RNF168: variants seen among roughly 807,000 people sequenced by gnomAD.
RNF168 encodes the protein E3 ubiquitin-protein ligase RNF168.
In RNF168, 34 loss-of-function variants were observed where a neutral mutation model predicts 34.9. That is an observed-to-expected ratio of 0.97 (90% CI 0.74 to 1.30). The LOEUF (loss-of-function observed/expected upper bound fraction) is 1.30, where lower values mean the gene tolerates loss of function less well. Ranked by LOEUF, RNF168 falls within the 50% of genes most tolerant of loss-of-function variation. The pLI, the probability that RNF168 is intolerant of heterozygous loss-of-function variation, is 0.00. For synonymous variants in RNF168, 264 were observed against 254.7 expected, an observed-to-expected ratio of 1.04 and a Z score of -0.35; for missense variants, 725 against 682.5, an observed-to-expected ratio of 1.06 and a Z score of -0.69.
chr3:196,503,002 C>G lies in RNF168; in HGVS notation c.172G>C (p.Val58Leu), dbSNP rs749629381. 1.9e-6 allele frequency: 3 copies of G among 1,614,064 alleles called. No individual in the cohort carries two copies. Among genetic ancestry groups the G allele is most frequent in the South Asian group, 1.1e-5 (1 of 91,080 alleles). The change falls in exon 1 of 6, where the codon GTA becomes CTA. Residue 58 changes from valine to leucine, a missense_variant. Coordinates refer to ENST00000318037, the MANE Select transcript of RNF168 (RefSeq NM_152617.4). ...SLCCPFCRRR[V>L]SSWTRYHTRR... ...GTATGGTACCGAGTCCACGACGATA[C>G]CCGGCGGCGACAGAAGGGACAGCAT...
chr3:196,471,954 C>T lies in RNF168; in HGVS notation c.1581G>A (p.Leu527=). ...KNRQVSLKMQ[L]KQSVNRRKMP... The stretch of plus-strand genomic sequence containing the variant: ...TCTTTCTTCTATTAACTGACTGCTT[C>T]AACTGCATCTTTAAAGACACTTGCC... The change falls in exon 6 of 6, where the codon TTG becomes TTA. Residue 527 remains leucine, a synonymous_variant. Coordinates refer to ENST00000318037, the MANE Select transcript of RNF168 (RefSeq NM_152617.4). 1.9e-6 allele frequency: 3 copies of T among 1,614,086 alleles called. No individual in the cohort carries two copies. The highest frequency in any genetic ancestry group is 1.7e-6 in the Non-Finnish European group (2 of 1,179,928).
chr3:196,472,808 G>A (rs1331859965), intron 5 of RNF168, 36 bp from the exon 6 acceptor site: 2 of 1,275,110 alleles, frequency 1.6e-6, no homozygotes, highest in Non-Finnish European at 1.1e-6. Context: ...TGAACCAGGG[G>A]AAAATATCAA....
At chr3:196,483,554 A>C (rs1245900643) in intron 4 of RNF168, among the ~76,000 whole-genome samples, 1 of 152,252 alleles carries the variant, frequency 6.6e-6, no homozygotes, top group Non-Finnish European at 1.5e-5. Flanking sequence ...TGAGGCAGTA[A>C]GATAAAAGTA....
In RNF168 at chr3:196,472,650, C is replaced by T. The variant is rs1732039573; in HGVS notation, c.885G>A (p.Glu295=). The T allele has an allele frequency of 6.2e-7, 1 of 1,611,158 alleles. No homozygotes were observed. The highest frequency in any genetic ancestry group is 2.2e-5 in the East Asian group (1 of 44,808). The change falls in exon 6 of 6, where the codon GAG becomes GAA. Residue 295 remains glutamate (E), a synonymous_variant. Transcript: ENST00000318037. ...AGGCACATAACCATGGCATAGGGGACTCTATTGAAGAATCTGCACCTTGTT... is the reference window on the plus strand; with the variant it reads ...AGGCACATAACCATGGCATAGGGGATTCTATTGAAGAATCTGCACCTTGTT... ...VGEQGADSSI[E]SPMPWLCACG... is the part of the protein sequence containing the mutation.
intron 1 of RNF168, among the ~76,000 whole-genome samples, chr3:196,501,449 G>C (rs1732882852): frequency 6.6e-6 from 1 of 152,172 alleles, no homozygotes; most frequent in African/African-American, 2.4e-5. Flanking sequence ...CACGCTAAGT[G>C]AAATAAGCTA....
intron 4 of RNF168, among the ~76,000 whole-genome samples, chr3:196,482,412 T>C (rs1432023538): frequency 2.6e-5 from 4 of 152,224 alleles, no homozygotes; most frequent in African/African-American, 7.2e-5. Flanking sequence ...CAAATATTCA[T>C]GTACAAGTAT....
chr3:196,502,054 GAAAAAA>G (rs554041803), intron 1 of RNF168, among the ~76,000 whole-genome samples: 1,322 of 50,052 alleles, frequency 0.026, 20 homozygotes, highest in African/African-American at 0.088. Flanking sequence ...AAAAAAATTA[GAAAAAA>G]AAAAAAAAAA....
intron 1 of RNF168, among the ~76,000 whole-genome samples, chr3:196,500,010 T>C (rs1343402299): frequency 6.6e-6 from 1 of 152,210 alleles, no homozygotes; most frequent in African/African-American, 2.4e-5. Context: ...ATAGCAAGTG[T>C]TGGCGAGGGT....
intron 4 of RNF168, among the ~76,000 whole-genome samples, chr3:196,477,678 G>A (rs1032442373): frequency 1.7e-4 from 26 of 152,280 alleles, no homozygotes; most frequent in African/African-American, 4.1e-4. Flanking sequence ...ACGTTCATAA[G>A]CAGAGAACAG....
chr3:196,495,264 G>C (rs1732712665), intron 1 of RNF168, among the ~76,000 whole-genome samples: 1 of 152,088 alleles, frequency 6.6e-6, no homozygotes, highest in Non-Finnish European at 1.5e-5. Context: ...CCTCATAAGA[G>C]ATGCTGTCCT....
chr3:196,481,051 A>G (rs548083456), intron 4 of RNF168, among the ~76,000 whole-genome samples: 4 of 152,342 alleles, frequency 2.6e-5, no homozygotes, highest in Non-Finnish European at 5.9e-5. Context: ...CAGATTTTAT[A>G]TCTGGCAACC....
At chr3:196,490,382 C>G (rs546763438) in intron 1 of RNF168, among the ~76,000 whole-genome samples, 29 of 152,240 alleles carry the variant, frequency 1.9e-4, no homozygotes, top group African/African-American at 7.0e-4. Context: ...CTACTCAACT[C>G]CAGCTGACTA....
At chr3:196,501,879 T>C (rs79726625) in intron 1 of RNF168, among the ~76,000 whole-genome samples, 1 of 151,972 alleles carries the variant, frequency 6.6e-6, no homozygotes, top group Non-Finnish European at 1.5e-5. Context: ...CTGTGAGCCA[T>C]CGCTCCCGGC....
chr3:196,498,041 G>C (rs191557195), intron 1 of RNF168, among the ~76,000 whole-genome samples: 197 of 152,254 alleles, frequency 1.3e-3, no homozygotes, highest in Admixed American at 3.5e-3. Flanking sequence ...AACTGGAATG[G>C]TTAAATCTAA....
At chr3:196,475,605 C>T (rs1732127856) in intron 4 of RNF168, among the ~76,000 whole-genome samples, 1 of 141,450 alleles carries the variant, frequency 7.1e-6, no homozygotes, top group African/African-American at 2.7e-5. Context: ...GGCTGGAGTG[C>T]AGTGGTGTGA....
At chr3:196,488,454 C>G (rs1463869544) in intron 2 of RNF168, among the ~76,000 whole-genome samples, 153 bp downstream of exon 2, 3 of 149,838 alleles carry the variant, frequency 2.0e-5, no homozygotes, top group African/African-American at 7.4e-5. Context: ...TGCACTCCAG[C>G]CTGGGTGACA....
chr3:196,476,226 A>G (rs1189537543), intron 4 of RNF168, among the ~76,000 whole-genome samples: 2 of 152,164 alleles, frequency 1.3e-5, no homozygotes, highest in Admixed American at 6.5e-5. Flanking sequence ...GCAAGACTCT[A>G]TAGTCTTCCC....
At chr3:196,502,771 C>G (rs1263293545) in intron 1 of RNF168, 102 bp downstream of exon 1, 3 of 990,252 alleles carry the variant, frequency 3.0e-6, no homozygotes, top group East Asian at 2.5e-5. Flanking sequence ...AAATACTAGT[C>G]GGGTTTTTTG....
At chr3:196,489,138 G>A (rs1000587229) in intron 1 of RNF168, among the ~76,000 whole-genome samples, 5 of 152,152 alleles carry the variant, frequency 3.3e-5, no homozygotes, top group Non-Finnish European at 7.3e-5. Flanking sequence ...TTACAGGTGT[G>A]AGCCACCACG....
Sources: allele counts gnomAD v4.1 joint callset (sites outside exome capture counted in the v4.1 genomes callset), GRCh38; gene constraint gnomAD v4.1.1; transcripts MANE v1.5; gene names NCBI Gene and HGNC (gene_info 2026-07-23, HGNC 2026-07-21).